Variants in CAMK4 observed in about 807,000 individuals in gnomAD.
CAMK4 encodes the protein calcium/calmodulin dependent protein kinase IV.
CAMK4 carries 22 observed loss-of-function variants against 44.9 expected under a neutral mutation model. That is an observed-to-expected ratio of 0.49 (90% CI 0.35 to 0.70). The LOEUF is 0.70. Ranked by LOEUF, CAMK4 falls within the 30% of genes least tolerant of loss-of-function variation. The pLI is 0.01. For missense variants in CAMK4, 498 were observed against 586.8 expected, an observed-to-expected ratio of 0.85 and a Z score of 1.56; for synonymous variants, 218 against 215.4, an observed-to-expected ratio of 1.01 and a Z score of -0.11.
intron 1 of CAMK4, among the ~76,000 whole-genome samples, chr5:111,287,199 G>A (rs1751272282): frequency 6.6e-6 from 1 of 152,122 alleles, no homozygotes; most frequent in Admixed American, 6.6e-5. Context: ...CCTTCCAAAA[G>A]TGTAAACAGG....
chr5:111,279,158 CA>C (rs1750898344), intron 1 of CAMK4, among the ~76,000 whole-genome samples: 1 of 152,130 alleles, frequency 6.6e-6, no homozygotes, highest in South Asian at 2.1e-4. Context: ...TTATTTGTAG[CA>C]AATTTGGTCG....
At chr5:111,297,097 G>C (rs1418363514) in intron 1 of CAMK4, among the ~76,000 whole-genome samples, 1 of 152,166 alleles carries the variant, frequency 6.6e-6, no homozygotes, top group South Asian at 2.1e-4. Context: ...ATGAGCAAAA[G>C]CTTCAGACAC....
intron 2 of CAMK4, among the ~76,000 whole-genome samples, chr5:111,356,426 G>A (rs1750357415): frequency 6.6e-6 from 1 of 152,226 alleles, no homozygotes; most frequent in Admixed American, 6.5e-5. Flanking sequence ...TGAGTAGGTT[G>A]CGGAAATTTT....
rs76732080 is a variant in CAMK4, at chr5:111,426,477, C to G, written c.460-20209C>G. Among the ~76,000 whole-genome samples, 980 of 152,268 alleles carry G rather than the reference C, an allele frequency of 6.4e-3. 9 individuals are homozygous for G. Among genetic ancestry groups the G allele is most frequent in the African/African-American group, 0.022 (910 of 41,550 alleles). Reference sequence around the variant, plus strand: ...AGAAAGATGGTGCACCGATCATCTCCTCTTTTGCAAAGACGCCAAGTCAAC... The same window carrying G: ...AGAAAGATGGTGCACCGATCATCTCGTCTTTTGCAAAGACGCCAAGTCAAC... On this transcript the variant is annotated intron_variant, in intron 5 of 10. Transcript: ENST00000282356.
At chr5:111,434,757 C>G (rs1753588213) in intron 5 of CAMK4, among the ~76,000 whole-genome samples, 1 of 152,200 alleles carries the variant, frequency 6.6e-6, no homozygotes, top group Non-Finnish European at 1.5e-5. Context: ...GAAGTTCCTA[C>G]TTAAATTTAT....
intron 4 of CAMK4, among the ~76,000 whole-genome samples, chr5:111,380,143 GTT>G (rs376949335): frequency 6.6e-6 from 1 of 152,008 alleles, no homozygotes; most frequent in Non-Finnish European, 1.5e-5. Flanking sequence ...AAGTTTCGAA[GTT>G]TTTTTCCCTC....
intron 1 of CAMK4, among the ~76,000 whole-genome samples, chr5:111,293,907 C>T (rs1276858787): frequency 8.6e-5 from 13 of 151,778 alleles, no homozygotes; most frequent in African/African-American, 2.2e-4. Flanking sequence ...CCACCATGCC[C>T]GGCTAATTTT....
chr5:111,467,000 C>T (rs776780780), intron 7 of CAMK4, among the ~76,000 whole-genome samples: 26 of 152,058 alleles, frequency 1.7e-4, no homozygotes, highest in Non-Finnish European at 3.5e-4. Context: ...GCACATAGCT[C>T]GATGGAACAG....
chr5:111,328,002 C>T (rs1427348764), intron 1 of CAMK4, among the ~76,000 whole-genome samples: 1 of 104,116 alleles, frequency 9.6e-6, no homozygotes, highest in East Asian at 2.8e-4. Context: ...TGTGCAGAAG[C>T]TCTTTAATTG....
chr5:111,333,139 G>A (rs1749244296), intron 1 of CAMK4, among the ~76,000 whole-genome samples: 1 of 151,564 alleles, frequency 6.6e-6, no homozygotes, highest in African/African-American at 2.4e-5. Context: ...TGAAGGTATG[G>A]AGATGGAATT....
At chr5:111,289,385 C>G (rs886177269) in intron 1 of CAMK4, among the ~76,000 whole-genome samples, 9 of 152,084 alleles carry the variant, frequency 5.9e-5, no homozygotes, top group Non-Finnish European at 1.0e-4. Flanking sequence ...ACAATGAAGT[C>G]AAATATCCAG....
intron 6 of CAMK4, among the ~76,000 whole-genome samples, chr5:111,447,250 C>T (rs755995210): frequency 7.9e-5 from 12 of 152,098 alleles, no homozygotes; most frequent in Non-Finnish European, 1.8e-4. Context: ...TTAAGATCTG[C>T]CTTTCCCAAA....
chr5:111,305,256 C>G (rs1426377522), intron 1 of CAMK4, among the ~76,000 whole-genome samples: 1 of 8,086 alleles, frequency 1.2e-4, no homozygotes, highest in Non-Finnish European at 2.1e-4. Flanking sequence ...CAGAGCAGAA[C>G]TGAAGGAAAT....
intron 5 of CAMK4, among the ~76,000 whole-genome samples, chr5:111,442,389 CG>C (rs1309222074): frequency 2.6e-5 from 4 of 151,580 alleles, no homozygotes; most frequent in African/African-American, 9.7e-5. Flanking sequence ...CCCAGGCACT[CG>C]GAAGGCTGAG....
intron 7 of CAMK4, among the ~76,000 whole-genome samples, chr5:111,471,888 C>CTGAT (rs371522166): frequency 4.0e-5 from 6 of 150,188 alleles, no homozygotes; most frequent in Non-Finnish European, 7.4e-5. Context: ...CCAGAGCTCA[C>CTGAT]TTATTTATTT....
intron 2 of CAMK4, among the ~76,000 whole-genome samples, chr5:111,349,745 A>C (rs1750015702): frequency 6.6e-6 from 1 of 151,956 alleles, no homozygotes; most frequent in South Asian, 2.1e-4. Flanking sequence ...GACATGTCAG[A>C]CTATAAATGT....
chr5:111,363,877 C>T (rs975749038), intron 2 of CAMK4, among the ~76,000 whole-genome samples: 5 of 152,080 alleles, frequency 3.3e-5, no homozygotes, highest in African/African-American at 1.2e-4. Context: ...GGCATTTAAG[C>T]TGAGAGTAAC....
At chr5:111,458,837 A>G (rs1016957844) in intron 7 of CAMK4, among the ~76,000 whole-genome samples, 2 of 152,210 alleles carry the variant, frequency 1.3e-5, no homozygotes, top group African/African-American at 4.8e-5. Flanking sequence ...AGGTGTCTTT[A>G]AAGTCCACCA....
At chr5:111,281,834 G>A (rs1452121210) in intron 1 of CAMK4, among the ~76,000 whole-genome samples, 3 of 151,964 alleles carry the variant, frequency 2.0e-5, no homozygotes, top group South Asian at 2.1e-4. Flanking sequence ...CGAGGCGGGC[G>A]GATCACGAGG....
Sources: allele counts gnomAD v4.1 joint callset (sites outside exome capture counted in the v4.1 genomes callset), GRCh38; gene constraint gnomAD v4.1.1; transcripts MANE v1.5; gene names NCBI Gene and HGNC (gene_info 2026-07-23, HGNC 2026-07-21).